The following IMPG1 variants were observed in gnomAD, a reference collection of about 807,000 sequenced individuals.
IMPG1 encodes interphotoreceptor matrix proteoglycan 1.
A neutral mutation model predicts 92.0 loss-of-function variants in IMPG1; 85 were observed. The ratio of observed to expected loss-of-function variants is 0.92; its 90% confidence interval spans 0.78 to 1.11. The LOEUF (loss-of-function observed/expected upper bound fraction) is 1.11, where lower values mean the gene tolerates loss of function less well. Among genes scored for constraint, IMPG1 ranks in the 50% least tolerant of loss-of-function variants. The probability of loss-of-function intolerance (pLI) is 0.00; values close to 1 mark genes in which losing one functional copy is unlikely to be tolerated. For synonymous variants in IMPG1, 367 were observed against 334.1 expected (o/e 1.10, Z -1.08); for missense variants, 1,022 against 956.0 (o/e 1.07, Z -0.91).
At position 75,962,102 on chromosome 6, in the gene IMPG1, C is replaced by G. The variant is rs6918604; in HGVS notation, c.1292-11008G>C. Among the ~76,000 whole-genome samples, 873 of 148,874 alleles carry G rather than the reference C, an allele frequency of 5.9e-3. 11 individuals are homozygous for G. The highest frequency in any genetic ancestry group is 0.021 in the African/African-American group (827 of 40,268). On this transcript the variant is annotated intron_variant, in intron 12 of 16. Coordinates refer to ENST00000369950, the MANE Select transcript of IMPG1 (RefSeq NM_001563.4). Reference sequence around the variant, plus strand: ...TTCACCAAGACTTCTGCAATTGTACCAATTTTTAAAAGATTTCTTTGCCAT... The same window carrying G: ...TTCACCAAGACTTCTGCAATTGTACGAATTTTTAAAAGATTTCTTTGCCAT...
Position 76,053,798 on chromosome 6 carries a change from T to C in IMPG1, c.68-11672A>G, listed in dbSNP as rs1224889182. ...AATTTTACAAACCACACACTACTCT[T>C]TGGTTTTATTGCTATCATGTAAACT... On this transcript the variant is annotated intron_variant, in intron 1 of 16. Transcript: ENST00000369950. Among the ~76,000 whole-genome samples, 12 of 152,248 alleles carry C rather than the reference T, an allele frequency of 7.9e-5. No individual in the cohort carries two copies. The East Asian group carries it at 2.3e-3, about 29-fold the overall frequency.
At chr6:75,935,172 TA>T in intron 14 of IMPG1, 1 of 385,184 alleles carries the variant, frequency 2.6e-6, no homozygotes, top group Non-Finnish European at 5.4e-6. Flanking sequence ...TTTCTGACTT[TA>T]AAAACCACTG....
intron 12 of IMPG1, among the ~76,000 whole-genome samples, chr6:75,990,219 T>C (rs928393626): frequency 1.3e-5 from 2 of 152,198 alleles, no homozygotes; most frequent in Non-Finnish European, 2.9e-5. Flanking sequence ...TTAGCACTTG[T>C]TCCAGCATTT....
At chr6:75,972,990 G>A (rs932479842) in intron 12 of IMPG1, among the ~76,000 whole-genome samples, 1 of 151,844 alleles carries the variant, frequency 6.6e-6, no homozygotes, top group African/African-American at 2.4e-5. Flanking sequence ...TTTCTTTTTT[G>A]AGACAGGGTC....
intron 12 of IMPG1, among the ~76,000 whole-genome samples, chr6:75,982,987 A>G (rs1489531189): frequency 1.3e-5 from 2 of 152,090 alleles, no homozygotes; most frequent in Non-Finnish European, 2.9e-5. Context: ...GGGGCAGAGG[A>G]AAACAAGAAA....
chr6:75,968,289 A>AT (rs1293388534), intron 12 of IMPG1, among the ~76,000 whole-genome samples: 1 of 152,204 alleles, frequency 6.6e-6, no homozygotes, highest in African/African-American at 2.4e-5. Flanking sequence ...GTTTTTCTTA[A>AT]TTGCTAGAGA....
chr6:75,983,230 T>G lies in IMPG1; in HGVS notation c.1291+19688A>C, dbSNP rs557267409. On this transcript the variant is annotated intron_variant, in intron 12 of 16. Coordinates refer to ENST00000369950, the MANE Select transcript of IMPG1 (RefSeq NM_001563.4). ...ACTAAGCAATATAATGAATAAGCAA[T>G]CCTATAGCAACTTTAGAATTAATAC... Among the ~76,000 whole-genome samples, 5 of 151,954 alleles carry G rather than the reference T, an allele frequency of 3.3e-5. No homozygotes were observed. The South Asian group carries it at 1.0e-3, about 32-fold the overall frequency.
At chr6:76,013,013 A>G (rs930605291) in intron 7 of IMPG1, among the ~76,000 whole-genome samples, 1 of 151,904 alleles carries the variant, frequency 6.6e-6, no homozygotes, top group Admixed American at 6.6e-5. Flanking sequence ...CCATGTTCTC[A>G]TTCACAGGTC....
In IMPG1 at chr6:76,059,439, G is replaced by C. The variant is rs141646001; in HGVS notation, c.67+12983C>G. 1.8e-4 allele frequency among the ~76,000 whole-genome samples: 27 copies of C among 151,592 alleles called. No individual in the cohort carries two copies. The East Asian group carries it at 4.8e-3, about 27-fold the overall frequency. On this transcript the variant is annotated intron_variant, in intron 1 of 16. Transcript: ENST00000369950. Reference sequence around the variant, plus strand: ...AGTGAAAAATAGAAACCCTAAGATAGGTTCCTCCATTTCTAGCACAGAGCT... The same window carrying C: ...AGTGAAAAATAGAAACCCTAAGATACGTTCCTCCATTTCTAGCACAGAGCT...
chr6:75,978,498 A>G (rs190787080), intron 12 of IMPG1, among the ~76,000 whole-genome samples: 8 of 152,302 alleles, frequency 5.3e-5, no homozygotes, highest in Admixed American at 4.6e-4. Context: ...CAGATGAAGC[A>G]TCTAAAGCTC....
intron 12 of IMPG1, among the ~76,000 whole-genome samples, chr6:75,987,904 C>CT (rs1373969943): frequency 1.3e-5 from 2 of 152,194 alleles, no homozygotes; most frequent in Admixed American, 1.3e-4. Flanking sequence ...ACCTCGGCCT[C>CT]CCAAAGTGCT....
At chr6:75,961,428 G>A (rs965665058) in intron 12 of IMPG1, among the ~76,000 whole-genome samples, 2 of 152,156 alleles carry the variant, frequency 1.3e-5, no homozygotes, top group Non-Finnish European at 2.9e-5. Flanking sequence ...GACATTGATA[G>A]CCTAGTATGT....
chr6:76,011,866 G>A (rs1030283440), intron 7 of IMPG1, among the ~76,000 whole-genome samples: 1 of 151,360 alleles, frequency 6.6e-6, no homozygotes, highest in African/African-American at 2.4e-5. Flanking sequence ...ATAGTTTACT[G>A]AGAATGATGG....
chr6:75,952,574 A>G (rs1331509746), intron 12 of IMPG1, among the ~76,000 whole-genome samples: 1 of 152,148 alleles, frequency 6.6e-6, no homozygotes, highest in Non-Finnish European at 1.5e-5. Context: ...GTTACCTAAT[A>G]TCTAAGATCT....
chr6:75,980,699 T>C (rs911494812), intron 12 of IMPG1, among the ~76,000 whole-genome samples: 2 of 152,210 alleles, frequency 1.3e-5, no homozygotes, highest in African/African-American at 4.8e-5. Context: ...GGCCACAGAC[T>C]GAAGGCTGAA....
At chr6:75,972,134 T>C (rs1273126166) in intron 12 of IMPG1, among the ~76,000 whole-genome samples, 1 of 152,178 alleles carries the variant, frequency 6.6e-6, no homozygotes, top group Non-Finnish European at 1.5e-5. Flanking sequence ...TATATATAAA[T>C]CTTGTTGCAA....
At chr6:76,060,416 A>G (rs765115274) in intron 1 of IMPG1, among the ~76,000 whole-genome samples, 5 of 152,172 alleles carry the variant, frequency 3.3e-5, no homozygotes, top group African/African-American at 7.2e-5. Flanking sequence ...TCAGAGCTTG[A>G]CAGCAGCATT....
chr6:75,988,750 T>C (rs1782766115), intron 12 of IMPG1, among the ~76,000 whole-genome samples: 1 of 152,120 alleles, frequency 6.6e-6, no homozygotes, highest in South Asian at 2.1e-4. Context: ...CCACCTCAGG[T>C]TCTTCATGAA....
At chr6:76,023,133 A>T (rs956327970) in intron 5 of IMPG1, among the ~76,000 whole-genome samples, 2 of 152,198 alleles carry the variant, frequency 1.3e-5, no homozygotes, top group African/African-American at 2.4e-5. Context: ...GAGAGTGGGT[A>T]TCAGAATCAT....
Sources: allele counts gnomAD v4.1 joint callset (sites outside exome capture counted in the v4.1 genomes callset), GRCh38; gene constraint gnomAD v4.1.1; transcripts MANE v1.5; gene names NCBI Gene and HGNC (gene_info 2026-07-23, HGNC 2026-07-21).